Variants in COL14A1 observed in about 807,000 individuals in gnomAD.
The protein encoded by COL14A1 is collagen type XIV alpha 1 chain, also known as collagen alpha-1(XIV) chain.
In COL14A1, 136 loss-of-function variants were observed where a neutral mutation model predicts 230.3. That is an observed-to-expected ratio of 0.59 (90% confidence interval 0.51 to 0.68). The LOEUF (loss-of-function observed/expected upper bound fraction) is 0.68, where lower values mean the gene tolerates loss of function less well. COL14A1 is among the 30% of genes least tolerant of loss of function. The pLI is 0.00. For missense variants in COL14A1, 1,976 were observed against 2,215.8 expected (o/e 0.89, Z 2.17); for synonymous variants, 792 against 784.1 (o/e 1.01, Z -0.17).
At chr8:120,353,551 A>C (rs1363182884) in intron 45 of COL14A1, among the ~76,000 whole-genome samples, 1 of 150,766 alleles carries the variant, frequency 6.6e-6, no homozygotes, top group Non-Finnish European at 1.5e-5. Context: ...CAAGAAAAAA[A>C]CAAACCACCC....
Position 120,280,111 on chromosome 8 carries a change from G to C in COL14A1, c.3646+12G>C, listed in dbSNP as rs769687581. The C allele has an allele frequency of 6.2e-7, 1 of 1,613,308 alleles. No homozygotes were observed. The highest frequency in any genetic ancestry group is 2.2e-5 in the East Asian group (1 of 44,864). Reference sequence around the variant, plus strand: ...AACAGCATCAGCAAGTTAGTTCTTTGGAATTTGTACTTACTCATGTTGCTT... The same window carrying C: ...AACAGCATCAGCAAGTTAGTTCTTTCGAATTTGTACTTACTCATGTTGCTT... On this transcript the variant is annotated intron_variant, in intron 29 of 47. Coordinates refer to ENST00000297848, the MANE Select transcript of COL14A1 (RefSeq NM_021110.4).
chr8:120,206,673 T>C (rs1817443269), intron 9 of COL14A1, among the ~76,000 whole-genome samples: 1 of 152,218 alleles, frequency 6.6e-6, no homozygotes, highest in Non-Finnish European at 1.5e-5. Flanking sequence ...TTATTATTTA[T>C]TAACAATGAC....
At chr8:120,168,773 TA>T (rs923345674) in intron 5 of COL14A1, among the ~76,000 whole-genome samples, 1 of 152,214 alleles carries the variant, frequency 6.6e-6, no homozygotes, top group African/African-American at 2.4e-5. Flanking sequence ...TAATGTTAGG[TA>T]TTATTGTTAG....
rs948134730 is a variant in COL14A1 at position 120,348,406 on chromosome 8, C to T, written c.5077+2843C>T. Among the ~76,000 whole-genome samples the T allele has an allele frequency of 2.6e-5, 4 of 151,518 alleles. 1 individual carries two copies. The highest frequency in any genetic ancestry group is 5.9e-5 in the Non-Finnish European group (4 of 67,928). ...TAACCCAGATGAGATTGGAGACGAG[C>T]ATTCTAAGTGAATTGACTCAGGAAT... is the stretch of plus-strand genomic sequence containing the variant. On this transcript the variant is annotated intron_variant, in intron 45 of 47. Coordinates refer to ENST00000297848, the MANE Select transcript of COL14A1 (RefSeq NM_021110.4).
At position 120,197,842 on chromosome 8, in the gene COL14A1, A is replaced by G; in HGVS notation, c.624A>G (p.Ile208Met). The change falls in exon 7 of 48, where the codon ATA becomes ATG. Residue 208 changes from isoleucine to methionine, a missense_variant. Coordinates refer to ENST00000297848, the MANE Select transcript of COL14A1 (RefSeq NM_021110.4). ...GLAQYSGDPR[I>M]EWHLNAFSTK... ...CACAGTATAGTGGTGACCCCAGAAT[A>G]GAATGGCACTTGAATGCATTTAGCA... 1 of 1,613,770 alleles carries G rather than the reference A, an allele frequency of 6.2e-7. No individual in the cohort carries two copies. Among genetic ancestry groups the G allele is most frequent in the Admixed American group, 1.7e-5 (1 of 60,014 alleles).
chr8:120,229,762 C>G (rs922038791), intron 18 of COL14A1, among the ~76,000 whole-genome samples: 5 of 152,230 alleles, frequency 3.3e-5, no homozygotes, highest in African/African-American at 1.2e-4. Context: ...TCCACATCCT[C>G]TCCAGCACCT....
At chr8:120,280,612 C>T (rs1289721704) in intron 29 of COL14A1, 99 bp from the exon 30 acceptor site, 2 of 1,135,156 alleles carry the variant, frequency 1.8e-6, no homozygotes, top group Non-Finnish European at 2.6e-6. Flanking sequence ...CAATCAACTT[C>T]TGGAAAGATT....
chr8:120,272,169 C>T (rs1222612270), intron 26 of COL14A1, among the ~76,000 whole-genome samples: 4 of 151,572 alleles, frequency 2.6e-5, no homozygotes, highest in African/African-American at 9.7e-5. Flanking sequence ...TAACTGTCAG[C>T]CAAGAATTCT....
intron 36 of COL14A1, among the ~76,000 whole-genome samples, chr8:120,304,062 T>C (rs1820792257): frequency 1.3e-5 from 2 of 152,182 alleles, no homozygotes; most frequent in Admixed American, 1.3e-4. Context: ...TGGTTACTTT[T>C]ATTTCTGTGG....
chr8:120,316,114 T>C, intron 40 of COL14A1, 117 bp downstream of exon 40: 1 of 916,742 alleles, frequency 1.1e-6, no homozygotes, highest in South Asian at 1.4e-5. Context: ...TTTTGTTTTC[T>C]CCTGTTTATG....
At chr8:120,361,612 A>G (rs1041522399) in intron 45 of COL14A1, among the ~76,000 whole-genome samples, 5 of 152,220 alleles carry the variant, frequency 3.3e-5, no homozygotes, top group African/African-American at 9.6e-5. Flanking sequence ...CCCAGGCAAC[A>G]GGCAATATAA....
intron 36 of COL14A1, among the ~76,000 whole-genome samples, chr8:120,302,827 G>C (rs1347404939): frequency 6.6e-6 from 1 of 152,102 alleles, no homozygotes; most frequent in African/African-American, 2.4e-5. Flanking sequence ...AAATTGCTTT[G>C]GGGAGGATGG....
At position 120,310,927 on chromosome 8, in the gene COL14A1, TCTC is replaced by T. The variant is rs778797806; in HGVS notation, c.4455+869_4455+871del. On this transcript the variant is annotated intron_variant, in intron 37 of 47. Transcript: ENST00000297848. ...ATTTTCACCATGTTGCTCCACATGTTCTCCTCTCCATCCATCTTGCTTGACTTA... is the reference window on the plus strand; with the variant it reads ...ATTTTCACCATGTTGCTCCACATGTTCTCTCCATCCATCTTGCTTGACTTA... Among the ~76,000 whole-genome samples, 20 of 152,304 alleles carry T rather than the reference TCTC, an allele frequency of 1.3e-4. 1 individual carries two copies. The highest frequency in any genetic ancestry group is 9.6e-4 in the East Asian group (5 of 5,186).
chr8:120,343,043 C>T (rs1335790527), intron 44 of COL14A1, among the ~76,000 whole-genome samples: 2 of 152,156 alleles, frequency 1.3e-5, no homozygotes, highest in Non-Finnish European at 2.9e-5. Context: ...TCATAACAAA[C>T]TTGATATGAC....
At chr8:120,166,510 C>A (rs1815879432) in intron 4 of COL14A1, among the ~76,000 whole-genome samples, 1 of 140,650 alleles carries the variant, frequency 7.1e-6, no homozygotes, top group Admixed American at 6.9e-5. Flanking sequence ...GTCTCTACCT[C>A]TGAATTTATT....
chr8:120,195,866 C>T (rs956369477), intron 5 of COL14A1, among the ~76,000 whole-genome samples: 3 of 152,094 alleles, frequency 2.0e-5, no homozygotes, highest in African/African-American at 7.2e-5. Flanking sequence ...CAAACCATAT[C>T]GACATTGTTA....
chr8:120,201,097 T>C (rs1264739970), intron 8 of COL14A1, among the ~76,000 whole-genome samples: 1 of 152,060 alleles, frequency 6.6e-6, no homozygotes, highest in Admixed American at 6.6e-5. Context: ...TCTTGAAAGA[T>C]ACATGTAAGA....
chr8:120,271,012 G>A (rs568907450), intron 26 of COL14A1, among the ~76,000 whole-genome samples: 1 of 151,790 alleles, frequency 6.6e-6, no homozygotes, highest in East Asian at 1.9e-4. Flanking sequence ...AGAAAATGTG[G>A]TACATATACA....
rs139381426 is a variant in COL14A1 at position 120,280,032 on chromosome 8, T to G, written c.3579T>G (p.Asp1193Glu). The change falls in exon 29 of 48, where the codon GAT becomes GAG. Residue 1193 changes from aspartate to glutamate, a missense_variant. Around this residue, in one of 3 missense-constraint regions of COL14A1, gnomAD observed 1,791 missense variants for 2,019.5 expected, o/e 0.89. Coordinates refer to ENST00000297848, the MANE Select transcript of COL14A1 (RefSeq NM_021110.4). Reference protein sequence around the residue: ...KPSARHVFFVDDFDAFKKIED... With the variant: ...KPSARHVFFVEDFDAFKKIED... ...GCGCACGCCATGTCTTCTTTGTGGA[T>G]GACTTTGACGCCTTTAAGAAAATCG... 6.2e-7 allele frequency: 1 copy of G among 1,613,920 alleles called. No individual in the cohort carries two copies. The highest frequency in any genetic ancestry group is 8.5e-7 in the Non-Finnish European group (1 of 1,179,866).
Sources: allele counts gnomAD v4.1 joint callset (sites outside exome capture counted in the v4.1 genomes callset), GRCh38; gene constraint gnomAD v4.1.1; regional missense constraint gnomAD v4.1.1; transcripts MANE v1.5; gene names NCBI Gene and HGNC (gene_info 2026-07-23, HGNC 2026-07-21).